Variants in SHPK observed in about 807,000 individuals in gnomAD.
SHPK encodes carbohydrate kinase-like protein.
Under a neutral mutation model 46.3 loss-of-function variants are expected in SHPK, and 51 were observed. The observed-to-expected ratio is 1.10, with a 90% CI of 0.88 to 1.39. The LOEUF (loss-of-function observed/expected upper bound fraction) is 1.39. Among genes scored for constraint, SHPK ranks in the 40% most tolerant of loss-of-function variants. SHPK has a pLI of 0.00. For synonymous variants in SHPK, 290 were observed against 273.9 expected, an observed-to-expected ratio of 1.06 and a Z score of -0.58; for missense variants, 668 against 641.3, an observed-to-expected ratio of 1.04 and a Z score of -0.45.
chr17:3,614,848 A>AAAC, intron 6 of SHPK, among the ~76,000 whole-genome samples: 1 of 105,212 alleles, frequency 9.5e-6, no homozygotes, highest in South Asian at 4.2e-4. Context: ...ACTCCGTCTC[A>AAAC]AAAAAAAAAA....
In SHPK at chr17:3,610,874, C is replaced by T. The variant is rs1382468585; in HGVS notation, c.1123G>A (p.Glu375Lys). The T allele has an allele frequency of 1.2e-6, 2 of 1,613,954 alleles. No homozygotes were observed. Among genetic ancestry groups the T allele is most frequent in the South Asian group, 1.1e-5 (1 of 91,076 alleles). Residue 375 changes from glutamate (E) to lysine (K), a missense_variant, in exon 7 of 7, where the codon GAG (glutamate) becomes AAG (lysine). Physicochemically the swap from Glu to Lys is moderately conservative, Grantham distance 56 (BLOSUM62 1). Coordinates refer to ENST00000225519, the MANE Select transcript of SHPK (RefSeq NM_013276.4). ...HLTITPTVLGERHLPDQLASV... is the reference protein window; with the variant it reads ...HLTITPTVLGKRHLPDQLASV... ...GCCAGCTGGTCCGGCAGGTGCCTCT[C>T]CCCCAGCACTGTCGGGGTGATGGTC...
chr17:3,616,310 G>A lies in SHPK; in HGVS notation c.824-773C>T, dbSNP rs141123808. Among the ~76,000 whole-genome samples, 991 of 152,262 alleles carry A rather than the reference G, an allele frequency of 6.5e-3. 8 individuals carry two copies. The highest frequency in any genetic ancestry group is 0.027 in the Middle Eastern group (8 of 294). On this transcript the variant is annotated intron_variant, in intron 5 of 6. Transcript: ENST00000225519. ...GCACTGCGACTCCTATCTCGGTCAC[G>A]CTGTCTTGTGGATCACTTGCTCTCG...
chr17:3,620,557 C>T (rs999678444), intron 5 of SHPK, among the ~76,000 whole-genome samples: 2 of 151,150 alleles, frequency 1.3e-5, no homozygotes, highest in East Asian at 2.0e-4. Context: ...TGAGCCACTG[C>T]GCCCGGCCGT....
chr17:3,632,043 G>A (rs2075475756), intron 1 of SHPK, among the ~76,000 whole-genome samples: 1 of 151,820 alleles, frequency 6.6e-6, no homozygotes, highest in African/African-American at 2.4e-5. Flanking sequence ...TGCATCGTCT[G>A]CCTCCCAGGT....
intron 5 of SHPK, among the ~76,000 whole-genome samples, chr17:3,620,229 T>G (rs1244363002): frequency 6.6e-6 from 1 of 152,070 alleles, no homozygotes; most frequent in African/African-American, 2.4e-5. Flanking sequence ...CTCACCATGA[T>G]TCCCTTACTA....
At chr17:3,635,953 G>A (rs977946097) in intron 1 of SHPK, 99 bp downstream of exon 1, 4 of 1,205,540 alleles carry the variant, frequency 3.3e-6, no homozygotes, top group East Asian at 2.7e-5. Flanking sequence ...CTGGAATAGA[G>A]ACTTCATTGC....
intron 1 of SHPK, 51 bp from the exon 2 acceptor site, chr17:3,630,397 A>T: frequency 6.5e-7 from 1 of 1,541,924 alleles, no homozygotes; most frequent in East Asian, 2.3e-5. Context: ...AGGCAGGGGG[A>T]GGGGCGCAGG....
intron 3 of SHPK, among the ~76,000 whole-genome samples, 160 bp from the exon 4 acceptor site, chr17:3,623,651 A>G (rs1597573835): frequency 6.6e-6 from 1 of 152,006 alleles, no homozygotes; most frequent in South Asian, 2.1e-4. Context: ...TGGGATTAGG[A>G]CCTCCCAGCT....
Position 3,636,137 on chromosome 17 carries a change from T to C in SHPK, c.83A>G (p.Asp28Gly), listed in dbSNP as rs774280511. The C allele has an allele frequency of 1.2e-6, 2 of 1,611,360 alleles. No individual in the cohort carries two copies. Among genetic ancestry groups the C allele is most frequent in the Non-Finnish European group, 1.7e-6 (2 of 1,178,898 alleles). Residue 28 changes from aspartate (D) to glycine (G), a missense_variant, in exon 1 of 7, where the codon GAC becomes GGC. Physicochemically the swap from Asp to Gly is moderately conservative, Grantham distance 94. Transcript: ENST00000225519. The part of the protein sequence containing the change: ...KAALLRAAPD[D>G]PSGFAVLASC... ...CGCCAGCACTGCGAACCCGGATGGG[T>C]CGTCGGGCGCGGCCCTCAGCAGAGC...
intron 5 of SHPK, chr17:3,619,777 ATC>A (rs2075389355): frequency 9.2e-6 from 4 of 434,620 alleles, no homozygotes; most frequent in African/African-American, 2.1e-5. Context: ...TGTAGATGGC[ATC>A]TCTCTCTCAC....
At chr17:3,632,101 T>C (rs891715744) in intron 1 of SHPK, among the ~76,000 whole-genome samples, 1 of 151,370 alleles carries the variant, frequency 6.6e-6, no homozygotes, top group Non-Finnish European at 1.5e-5. Context: ...GGACTATAGG[T>C]GCGCGCCACC....
At chr17:3,614,675 C>T (rs1226586483) in intron 6 of SHPK, among the ~76,000 whole-genome samples, 1 of 151,772 alleles carries the variant, frequency 6.6e-6, no homozygotes, top group African/African-American at 2.4e-5. Context: ...TGGCAAAACC[C>T]CATCTCTAGT....
chr17:3,635,852 C>G (rs322956), intron 1 of SHPK, among the ~76,000 whole-genome samples, 200 bp downstream of exon 1: 142,733 of 152,190 alleles, frequency 0.94, 66,947 homozygotes, highest in East Asian at 1. Flanking sequence ...GAATCGGTCC[C>G]AGCAGGTGGG....
Position 3,618,231 on chromosome 17 carries a change from G to A in SHPK, c.824-2694C>T, listed in dbSNP as rs185819542. Among the ~76,000 whole-genome samples, 27 of 151,940 alleles carry A rather than the reference G, an allele frequency of 1.8e-4. 2 individuals are homozygous for A. The East Asian group carries it at 2.5e-3, about 14-fold the overall frequency. The stretch of plus-strand genomic sequence containing the variant: ...AAGCAATTCTCTGCCTCAGCCTCCC[G>A]AGTAGCTGGGATTACAGGTGCCCAC... On this transcript the variant is annotated intron_variant, in intron 5 of 6. Coordinates refer to ENST00000225519, the MANE Select transcript of SHPK (RefSeq NM_013276.4).
Position 3,610,976 on chromosome 17 carries a change from C to A in SHPK, c.1025-4G>T. 6.3e-7 allele frequency: 1 copy of A among 1,598,360 alleles called. No individual in the cohort carries two copies. The highest frequency in any genetic ancestry group is 8.5e-7 in the Non-Finnish European group (1 of 1,169,640). ...GTGGATTCTTCAACCTCCAGGCCTG[C>A]CAGAGACAGAGAAGATCTGTGTAAG... On this transcript the variant is annotated splice_region_variant and splice_polypyrimidine_tract_variant and intron_variant, in intron 6 of 6. Transcript: ENST00000225519.
intron 1 of SHPK, among the ~76,000 whole-genome samples, chr17:3,635,236 A>AGGAAGGAAGGGAAGGAAGGAAG (rs1555556001): frequency 2.9e-4 from 39 of 132,464 alleles, no homozygotes; most frequent in African/African-American, 9.9e-4. Flanking sequence ...GAAGGAAGGA[A>AGGAAGGAAGGGAAGGAAGGAAG]GGAAGGAAGG....
intron 3 of SHPK, among the ~76,000 whole-genome samples, 198 bp downstream of exon 3, chr17:3,623,850 C>T (rs1180455917): frequency 6.6e-6 from 1 of 152,140 alleles, no homozygotes; most frequent in Non-Finnish European, 1.5e-5. Context: ...TGGGTGGGAA[C>T]TGGATAACCA....
Position 3,615,519 on chromosome 17 carries a change from G to T in SHPK, c.842C>A (p.Ser281Ter), listed in dbSNP as rs201168679. 2 of 1,614,182 alleles carry T rather than the reference G, an allele frequency of 1.2e-6. No homozygotes were observed. Among genetic ancestry groups the T allele is most frequent in the Non-Finnish European group, 1.7e-6 (2 of 1,180,016 alleles). Residue 281 changes from serine (S) to a stop codon, truncating the protein, a stop_gained, in exon 6 of 7, where the codon TCG (serine) becomes TAG (stop). Transcript: ENST00000225519. LOFTEE classifies it high-confidence loss of function. ...RTDAVLNIST[S>*]VQLAASMPSG... ...AGGCATGGAGGCTGCCAGCTGAACC[G>T]AGGTGCTGATGTTGAGAACTGGGGT...
rs371517274 is a variant in SHPK, at chr17:3,610,786, C to T, written c.1211G>A (p.Arg404Gln). 30 of 1,614,004 alleles carry T rather than the reference C, an allele frequency of 1.9e-5. No homozygotes were observed. The Admixed American group carries it at 2.0e-4, about 11-fold the overall frequency. The change falls in exon 7 of 7, where the codon CGA (arginine) becomes CAA (glutamine). Residue 404 changes from arginine to glutamine, a missense_variant. By Grantham distance (43) the Arg-to-Gln change is conservative (BLOSUM62 1). Transcript: ENST00000225519. Reference protein sequence around the residue: ...SLGHVTRALCRGIVQNLHSML... With the variant: ...SLGHVTRALCQGIVQNLHSML... ...GGAGTGCAGGTTCTGAACAATGCCTCGGCACAGAGCCCGGGTCACGTGCCC... is the reference window on the plus strand; with the variant it reads ...GGAGTGCAGGTTCTGAACAATGCCTTGGCACAGAGCCCGGGTCACGTGCCC...
Sources: gnomAD v4.1 joint callset for allele counts (sites outside exome capture counted in the v4.1 genomes callset) on GRCh38, gnomAD v4.1.1 for gene constraint, MANE v1.5 for transcripts, NCBI Gene and HGNC (gene_info 2026-07-23, HGNC 2026-07-21) for gene names.